Variants in TUSC3 observed in about 807,000 individuals in gnomAD.
TUSC3 encodes dolichyl-diphosphooligosaccharide--protein glycosyltransferase subunit TUSC3.
Under a neutral mutation model 44.8 loss-of-function variants are expected in TUSC3, and 45 were observed. That is an observed-to-expected ratio of 1.00 (90% CI 0.79 to 1.29). The LOEUF (loss-of-function observed/expected upper bound fraction) is 1.29. Ranked by LOEUF, TUSC3 falls within the 50% of genes most tolerant of loss-of-function variation. The pLI, the probability that TUSC3 is intolerant of heterozygous loss-of-function variation, is 0.00. For synonymous variants in TUSC3, 212 were observed against 152.9 expected, an observed-to-expected ratio of 1.39 and a Z score of -2.85; for missense variants, 519 against 437.9, an observed-to-expected ratio of 1.19 and a Z score of -1.65.
the TUSC3 span, among the ~76,000 whole-genome samples, chr8:15,781,049 C>A: frequency 1.3e-5 from 2 of 152,134 alleles, no homozygotes; most frequent in South Asian, 4.1e-4. Context: ...AAGGGACAGA[C>A]AAACAGAAGC....
At chr8:15,518,351 T>C (rs899080540) in intron 2 of TUSC3, among the ~76,000 whole-genome samples, 3 of 152,104 alleles carry the variant, frequency 2.0e-5, no homozygotes, top group African/African-American at 7.2e-5. Context: ...TTTATCCATA[T>C]AGTGTGTGAT....
chr8:15,785,116 T>C, the TUSC3 span, among the ~76,000 whole-genome samples: 2 of 152,080 alleles, frequency 1.3e-5, no homozygotes, highest in African/African-American at 2.4e-5. Context: ...TCTAACATAT[T>C]AGGTACAGTG....
chr8:15,657,288 T>G (rs889079133), intron 3 of TUSC3, among the ~76,000 whole-genome samples: 1 of 152,206 alleles, frequency 6.6e-6, no homozygotes, highest in African/African-American at 2.4e-5. Flanking sequence ...TTTAAATCAT[T>G]TTTTGTCTTC....
intron 1 of TUSC3, among the ~76,000 whole-genome samples, chr8:15,447,649 T>C (rs1800124511): frequency 6.6e-6 from 1 of 151,832 alleles, no homozygotes; most frequent in Non-Finnish European, 1.5e-5. Flanking sequence ...GTTTCAGAAC[T>C]ATAGGCTAAT....
intron 1 of TUSC3, among the ~76,000 whole-genome samples, chr8:15,591,093 G>C (rs1467241036): frequency 6.6e-6 from 1 of 152,082 alleles, no homozygotes; most frequent in Non-Finnish European, 1.5e-5. Flanking sequence ...TGAACAAATG[G>C]TAGTTGTTTT....
rs1260594017 is a variant in TUSC3, at chr8:15,420,104, C to T, written n.91+2799C>T. 4.0e-4 allele frequency among the ~76,000 whole-genome samples: 61 copies of T among 152,084 alleles called. 1 individual carries two copies. The highest frequency in any genetic ancestry group is 4.0e-3 in the Admixed American group (61 of 15,264). ...AACACTATAACAAAGCTTATGCATA[C>T]ACACTTTATGGAGTATTGTGGTGGC... On this transcript the variant is annotated intron_variant and non_coding_transcript_variant, in intron 1 of 5. Coordinates refer to the TUSC3 transcript ENST00000503191.
intron 1 of TUSC3, among the ~76,000 whole-genome samples, chr8:15,620,046 A>G (rs746341529): frequency 2.0e-5 from 3 of 152,200 alleles, no homozygotes; most frequent in Non-Finnish European, 2.9e-5. Flanking sequence ...TGGGTAACAG[A>G]GGGAGACTGT....
rs1801868995 is a variant in TUSC3 at position 15,546,554 on chromosome 8, A to C, written c.138+5986A>C. ...ATAATTTTTTCTTTTTTCTTTTGGG[A>C]GACAGAGTTTTGCTCTTGTTGCCCA... On this transcript the variant is annotated intron_variant, in intron 1 of 10. Coordinates refer to ENST00000503731, the MANE Select transcript of TUSC3 (RefSeq NM_006765.4). Among the ~76,000 whole-genome samples, 3 of 151,702 alleles carry C rather than the reference A, an allele frequency of 2.0e-5. No individual in the cohort carries two copies. In the South Asian group the frequency reaches 6.3e-4, roughly 32 times the overall value.
chr8:15,421,494 G>A (rs932899989), intron 1 of TUSC3, among the ~76,000 whole-genome samples: 1 of 152,088 alleles, frequency 6.6e-6, no homozygotes, highest in East Asian at 1.9e-4. Context: ...ACACTAAACT[G>A]CATTCCTAGT....
intron 6 of TUSC3, among the ~76,000 whole-genome samples, chr8:15,680,757 A>G (rs546165692): frequency 6.6e-6 from 1 of 151,988 alleles, no homozygotes; most frequent in African/African-American, 2.4e-5. Context: ...ATTTTGAAGT[A>G]TATTCCTTTG....
At chr8:15,645,213 C>G (rs925168271) in intron 2 of TUSC3, among the ~76,000 whole-genome samples, 3 of 152,102 alleles carry the variant, frequency 2.0e-5, no homozygotes, top group Admixed American at 6.5e-5. Context: ...CACTTGTTTA[C>G]TATTTACACA....
intron 1 of TUSC3, among the ~76,000 whole-genome samples, chr8:15,461,578 G>C (rs989823856): frequency 6.6e-6 from 1 of 151,948 alleles, no homozygotes; most frequent in African/African-American, 2.4e-5. Flanking sequence ...ATATTAAAGA[G>C]GAGTGGTGAG....
At chr8:15,481,169 A>T (rs1352331013) in intron 1 of TUSC3, among the ~76,000 whole-genome samples, 1 of 150,428 alleles carries the variant, frequency 6.6e-6, no homozygotes, top group Non-Finnish European at 1.5e-5. Flanking sequence ...AACTGCTTGA[A>T]CCTGGAAGCA....
At chr8:15,649,588 GAA>G (rs35737672) in intron 2 of TUSC3, among the ~76,000 whole-genome samples, 1,380 of 127,468 alleles carry the variant, frequency 0.011, 17 homozygotes, top group African/African-American at 0.033. Flanking sequence ...CGTCTCAAAA[GAA>G]AAAAAAAAAA....
chr8:15,708,635 G>A (rs1187177249), intron 6 of TUSC3, among the ~76,000 whole-genome samples: 1 of 151,898 alleles, frequency 6.6e-6, no homozygotes, highest in Non-Finnish European at 1.5e-5. Context: ...TTTTGGTGGA[G>A]AAGAAAGATA....
Position 15,517,992 on chromosome 8 carries a change from AC to A in TUSC3, n.189+34514del, listed in dbSNP as rs66742425. On this transcript the variant is annotated intron_variant and non_coding_transcript_variant, in intron 2 of 5. Transcript: ENST00000503191. ...AACCCTCAAGAACAAACAAAAAAAA[AC>A]CCCCATACACATTCGCACCTGTTCC... is the stretch of plus-strand genomic sequence containing the variant. Among the ~76,000 whole-genome samples the A allele has an allele frequency of 3.4e-3, 515 of 151,738 alleles. 6 individuals carry two copies. Among genetic ancestry groups the A allele is most frequent in the Admixed American group, 0.013 (193 of 15,228 alleles).
intron 2 of TUSC3, among the ~76,000 whole-genome samples, chr8:15,505,567 A>G (rs553714581): frequency 1.3e-5 from 2 of 152,258 alleles, no homozygotes; most frequent in Non-Finnish European, 1.5e-5. Flanking sequence ...TTCCTTTACT[A>G]CAGTATGTCC....
At chr8:15,467,521 T>A (rs998277242) in intron 1 of TUSC3, among the ~76,000 whole-genome samples, 1 of 152,190 alleles carries the variant, frequency 6.6e-6, no homozygotes, top group South Asian at 2.1e-4. Context: ...TTTGCACTAA[T>A]TGATCTTATT....
intron 6 of TUSC3, among the ~76,000 whole-genome samples, chr8:15,705,526 G>A (rs189816408): frequency 8.2e-4 from 125 of 151,988 alleles, no homozygotes; most frequent in African/African-American, 2.9e-3. Context: ...AACCAATTTT[G>A]GTGGGTAATA....
Sources: allele counts gnomAD v4.1 joint callset (sites outside exome capture counted in the v4.1 genomes callset), GRCh38; gene constraint gnomAD v4.1.1; transcripts MANE v1.5; gene names NCBI Gene and HGNC (gene_info 2026-07-23, HGNC 2026-07-21).